Variants in PAX6 observed in about 807,000 individuals in gnomAD.
PAX6 encodes the protein paired box 6.
PAX6 carries 7 observed loss-of-function variants against 60.7 expected under a neutral mutation model. That is an observed-to-expected ratio of 0.12 (90% CI 0.07 to 0.22). PAX6 has a LOEUF of 0.22. Among genes scored for constraint, PAX6 ranks in the 10% least tolerant of loss-of-function variants. The probability of loss-of-function intolerance (pLI) is 1.00; values close to 1 mark genes in which losing one functional copy is unlikely to be tolerated. For missense variants in PAX6, 355 were observed against 555.2 expected (o/e 0.64, Z 3.62); for synonymous variants, 208 against 201.2 (o/e 1.03, Z -0.29).
At chr11:31,801,246 G>C (rs1403501612) in intron 7 of PAX6, 2 of 1,369,076 alleles carry the variant, frequency 1.5e-6, no homozygotes, top group Non-Finnish European at 9.4e-7. Context: ...GAAAGTTCTG[G>C]CAGGTGGATT....
chr11:31,810,629 C>A, intron 2 of PAX6, 199 bp downstream of exon 2: 1 of 375,098 alleles, frequency 2.7e-6, no homozygotes, highest in Non-Finnish European at 4.7e-6. Context: ...TCCCGCTCGC[C>A]GGCAGTCGCC....
rs772696878 is a variant in PAX6 at position 31,790,735 on chromosome 11, C to T, written c.1200G>A (p.Met400Ile). ...CTGTTGAAGTGGTGCCCGAGGTGCC[C>T]ATTGGCTGACTGTTCATGTGTGTCT... is the stretch of plus-strand genomic sequence containing the variant. ...HMQTHMNSQP[M>I]GTSGTTSTGL... is the part of the protein sequence containing the mutation. Residue 400 changes from methionine (M) to isoleucine (I), a missense_variant, in exon 13 of 14, where the codon ATG (methionine) becomes ATA (isoleucine). Met to Ile is a conservative substitution (Grantham distance 10). Coordinates refer to ENST00000640368, the MANE Select transcript of PAX6 (RefSeq NM_001368894.2). 3 of 1,614,080 alleles carry T rather than the reference C, an allele frequency of 1.9e-6. No homozygotes were observed. The highest frequency in any genetic ancestry group is 2.5e-6 in the Non-Finnish European group (3 of 1,180,020).
At chr11:31,796,461 G>T (rs1005904800) in intron 8 of PAX6, among the ~76,000 whole-genome samples, 1 of 146,762 alleles carries the variant, frequency 6.8e-6, no homozygotes, top group African/African-American at 2.5e-5. Context: ...TATTTAGGGC[G>T]CTTGGCTGGG....
chr11:31,796,263 G>A (rs1039054744), intron 8 of PAX6, among the ~76,000 whole-genome samples: 1 of 152,150 alleles, frequency 6.6e-6, no homozygotes, highest in Non-Finnish European at 1.5e-5. Flanking sequence ...GGGCAGGAGC[G>A]TTGGCAAACT....
chr11:31,796,910 G>A (rs1185908708), intron 8 of PAX6, among the ~76,000 whole-genome samples: 1 of 152,020 alleles, frequency 6.6e-6, no homozygotes, highest in Non-Finnish European at 1.5e-5. Flanking sequence ...AGGGAGACGC[G>A]CTCCGCTCAC....
chr11:31,816,918 T>G (rs1957408890), intron 1 of PAX6, among the ~76,000 whole-genome samples: 1 of 152,240 alleles, frequency 6.6e-6, no homozygotes, highest in African/African-American at 2.4e-5. Context: ...CAGCTGCTTT[T>G]AGGGCCGGGC....
intron 5 of PAX6, chr11:31,802,162 A>C (rs1220487918): frequency 1.9e-6 from 1 of 521,356 alleles, no homozygotes; most frequent in African/African-American, 1.9e-5. Context: ...TATGTTTTAA[A>C]GAACAAAGGT....
intron 7 of PAX6, 78 bp from the exon 8 acceptor site, chr11:31,800,934 C>T: frequency 6.8e-7 from 1 of 1,475,406 alleles, no homozygotes; most frequent in Non-Finnish European, 9.4e-7. Flanking sequence ...CACCCACAAC[C>T]TTAAAAAGCA....
At chr11:31,797,968 T>C (rs1196156950) in intron 8 of PAX6, among the ~76,000 whole-genome samples, 1 of 142,354 alleles carries the variant, frequency 7.0e-6, no homozygotes, top group Admixed American at 7.3e-5. Flanking sequence ...ATAGGATTTG[T>C]TTCCTGGAAG....
At chr11:31,816,545 G>A (rs1375067836) in intron 1 of PAX6, 1 of 702,624 alleles carries the variant, frequency 1.4e-6, no homozygotes, top group Non-Finnish European at 2.6e-6. Context: ...ATTTATGACT[G>A]GAGGAGAAGG....
Position 31,794,419 on chromosome 11 carries a change from AC to A in PAX6, c.724+210del, listed in dbSNP as rs1319994430. On this transcript the variant is annotated intron_variant, in intron 9 of 13. Transcript: ENST00000640368. ...GAAAAGAAGAAACACACACACACAC[AC>A]CACACACACACACACACACACACAC... 349 of 408,024 alleles carry A rather than the reference AC, an allele frequency of 8.6e-4. 1 individual carries two copies. Among genetic ancestry groups the A allele is most frequent in the African/African-American group, 2.7e-3 (97 of 35,850 alleles). The allele number at this position is 408,024 out of a possible 1,614,324, so 25.3% of individuals were successfully genotyped here. A position where few individuals can be genotyped will look rare whatever the true frequency, so the allele number is the denominator to read the frequency against.
intron 7 of PAX6, 119 bp from the exon 8 acceptor site, chr11:31,800,975 C>A (rs1289584711): frequency 9.4e-6 from 10 of 1,060,262 alleles, no homozygotes; most frequent in Non-Finnish European, 1.4e-5. Context: ...CTCCCAGCCA[C>A]CCCGGGACAG....
At chr11:31,794,325 G>T in intron 9 of PAX6, 2 of 636,186 alleles carry the variant, frequency 3.1e-6, no homozygotes, top group Non-Finnish European at 5.6e-6. Flanking sequence ...ACCTTTCTGT[G>T]GCCTGAAATA....
intron 10 of PAX6, 82 bp downstream of exon 10, chr11:31,793,950 G>C: frequency 8.1e-7 from 1 of 1,241,772 alleles, no homozygotes; most frequent in Non-Finnish European, 1.2e-6. Flanking sequence ...TAAATAAATA[G>C]TACTCTGTAC....
At chr11:31,810,556 C>A in intron 2 of PAX6, 1 of 268,478 alleles carries the variant, frequency 3.7e-6, no homozygotes, top group East Asian at 6.5e-5. Context: ...CGAGCTCAGC[C>A]CGCGCTGGCG....
intron 4 of PAX6, chr11:31,803,234 C>T: frequency 3.9e-6 from 1 of 255,464 alleles, no homozygotes; most frequent in South Asian, 4.9e-5. Context: ...CCCACTGCCC[C>T]TCTTCATAAA....
intron 4 of PAX6, chr11:31,804,320 C>A (rs1955058830): frequency 6.6e-6 from 1 of 152,208 alleles, no homozygotes; most frequent in Admixed American, 6.5e-5. Flanking sequence ...ACAAACGGGA[C>A]CGTGATAAAA....
In PAX6 at chr11:31,800,674, G is replaced by A. The variant is rs1953441808; in HGVS notation, c.565+17C>T. On this transcript the variant is annotated intron_variant, in intron 8 of 13. Coordinates refer to ENST00000640368, the MANE Select transcript of PAX6 (RefSeq NM_001368894.2). ...TGCACATATGGAGAGCTGCGTGGAT[G>A]GCTGCTTGGGTTTTACCTTGCGTAG... 6.2e-7 allele frequency: 1 copy of A among 1,613,726 alleles called. No homozygotes were observed. Among genetic ancestry groups the A allele is most frequent in the Admixed American group, 1.7e-5 (1 of 60,008 alleles).
At chr11:31,794,546 G>T (rs1950931277) in intron 9 of PAX6, 84 bp downstream of exon 9, 1 of 1,357,070 alleles carries the variant, frequency 7.4e-7, no homozygotes, top group Middle Eastern at 2.0e-4. Flanking sequence ...TATGCAAAGG[G>T]CCCTGGCTAA....
Sources: allele counts gnomAD v4.1 joint callset (sites outside exome capture counted in the v4.1 genomes callset), GRCh38; gene constraint gnomAD v4.1.1; transcripts MANE v1.5; gene names NCBI Gene and HGNC (gene_info 2026-07-23, HGNC 2026-07-21).